PDE4DIP: variants seen among roughly 807,000 people sequenced by gnomAD.
The protein encoded by PDE4DIP is phosphodiesterase 4D interacting protein.
A neutral mutation model predicts 221.4 loss-of-function variants in PDE4DIP; 59 were observed. That is an observed-to-expected ratio of 0.27 (90% CI 0.22 to 0.33). The LOEUF (loss-of-function observed/expected upper bound fraction) is 0.33, where lower values mean the gene tolerates loss of function less well. PDE4DIP is among the 10% of genes least tolerant of loss of function. The pLI is 1.00. For synonymous variants in PDE4DIP, 404 were observed against 815.9 expected (o/e 0.50, Z 8.60); for missense variants, 1,036 against 2,154.2 (o/e 0.48, Z 10.28).
At chr1:148,889,233 C>T (rs1207104229), upstream of PDE4DIP, among the ~76,000 whole-genome samples, 1 of 151,388 alleles carries the variant, frequency 6.6e-6, no homozygotes, top group African/African-American at 2.4e-5. Flanking sequence ...GGCCACACTC[C>T]TTTTGGTCTT....
At chr1:148,938,888 G>T (rs12402380) in intron 5 of PDE4DIP, among the ~76,000 whole-genome samples, 2 of 145,468 alleles carry the variant, frequency 1.4e-5, no homozygotes, top group Non-Finnish European at 3.0e-5. Context: ...TCAGCCTCCC[G>T]AGTAGCTGGG....
rs587693249 is a variant in PDE4DIP, at chr1:149,030,852, G to T, written c.6999+574G>T. The T allele has an allele frequency of 2.8e-5, 26 of 925,456 alleles. No individual in the cohort carries two copies. The East Asian group carries it at 2.4e-3, about 86-fold the overall frequency. 57.3% of individuals were successfully genotyped at this position (925,456 alleles called of 1,614,324 possible). On this transcript the variant is annotated intron_variant, in intron 43 of 43. Transcript: ENST00000369354. ...ACAACTGAACCTTCAGGGAAAAAATGTTATATATGTACCAGACATTATCTA... is the reference window on the plus strand; with the variant it reads ...ACAACTGAACCTTCAGGGAAAAAATTTTATATATGTACCAGACATTATCTA...
At chr1:148,982,053 G>A (rs587684124) in intron 21 of PDE4DIP, 1 of 153,528 alleles carries the variant, frequency 6.5e-6, no homozygotes, top group Non-Finnish European at 1.5e-5. Flanking sequence ...ACAGAGGCAA[G>A]AACTATGAAA....
chr1:148,923,558 C>G (rs1401048887), intron 1 of PDE4DIP, among the ~76,000 whole-genome samples: 1 of 143,852 alleles, frequency 7.0e-6, no homozygotes, highest in African/African-American at 2.8e-5. Flanking sequence ...ACTGCAAGCT[C>G]CGCCTCCCGG....
chr1:148,987,424 G>A (rs2062104401), intron 21 of PDE4DIP, among the ~76,000 whole-genome samples: 1 of 152,148 alleles, frequency 6.6e-6, no homozygotes, highest in Non-Finnish European at 1.5e-5. Context: ...ATTAAAGTCA[G>A]CAATAGTTGG....
At chr1:148,959,416 AG>A (rs1268194281) in intron 5 of PDE4DIP, among the ~76,000 whole-genome samples, 4 of 152,040 alleles carry the variant, frequency 2.6e-5, no homozygotes, top group African/African-American at 9.7e-5. Flanking sequence ...GCTGGCAGGA[AG>A]GGATTTAAGG....
intron 21 of PDE4DIP, among the ~76,000 whole-genome samples, chr1:148,989,684 T>C (rs764604069): frequency 9.9e-5 from 15 of 152,176 alleles, no homozygotes; most frequent in Admixed American, 2.6e-4. Flanking sequence ...TCTAGCCCCA[T>C]GTTCAAAAGA....
chr1:148,815,286 C>T (rs1318206244), intron 1 of PDE4DIP, among the ~76,000 whole-genome samples: 1 of 140,134 alleles, frequency 7.1e-6, no homozygotes, highest in Non-Finnish European at 1.6e-5. Flanking sequence ...CACAGTGGCT[C>T]ACGCCTGTAA....
At chr1:148,985,076 T>C (rs2061686672) in intron 21 of PDE4DIP, 1 of 152,156 alleles carries the variant, frequency 6.6e-6, no homozygotes, top group Non-Finnish European at 1.5e-5. Flanking sequence ...TTTTACCTTG[T>C]AGAAATTGTA....
chr1:149,000,164 A>G (rs1433674275), intron 23 of PDE4DIP, among the ~76,000 whole-genome samples: 64 of 152,170 alleles, frequency 4.2e-4, no homozygotes, highest in Non-Finnish European at 8.2e-4. Flanking sequence ...TGAGAAATTC[A>G]ATCTAGGTGC....
At chr1:149,016,572 G>C in intron 33 of PDE4DIP, 22 bp downstream of exon 36, 1 of 597,202 alleles carries the variant, frequency 1.7e-6, no homozygotes, top group South Asian at 2.0e-5. Context: ...AGCAGAGATG[G>C]CAGCCTTTGA....
chr1:148,975,199 T>G (rs1427523598), intron 17 of PDE4DIP, among the ~76,000 whole-genome samples: 1 of 147,790 alleles, frequency 6.8e-6, no homozygotes, highest in African/African-American at 2.5e-5. Context: ...TAATAATAAT[T>G]GTAAAGCACT....
chr1:148,998,060 A>G, intron 22 of PDE4DIP, 83 bp from the exon 26 acceptor site: 2 of 813,090 alleles, frequency 2.5e-6, no homozygotes, highest in Non-Finnish European at 4.0e-6. Flanking sequence ...TTTTGTTCTC[A>G]TTTAAAACTG....
rs587690588 is a variant in PDE4DIP, at chr1:148,955,284, G to T, written c.637-5370G>T. On this transcript the variant is annotated intron_variant, in intron 5 of 43. Transcript: ENST00000369354. ...TTAAACATGGTGTTTTCATATTAGG[G>T]TCTAAAATTAGTTGGGCCAGGATGG... is the stretch of plus-strand genomic sequence containing the variant. Among the ~76,000 whole-genome samples the T allele has an allele frequency of 2.0e-5, 3 of 152,274 alleles. No homozygotes were observed. In the South Asian group the frequency reaches 6.2e-4, roughly 32 times the overall value.
At chr1:149,032,712 C>T (rs1462971029) in exon 44 of PDE4DIP, 1 of 222,014 alleles carries the variant, frequency 4.5e-6, no homozygotes, top group Non-Finnish European at 8.9e-6. Flanking sequence ...CCTATCTTAT[C>T]TCGGGGAAAT....
intron 5 of PDE4DIP, among the ~76,000 whole-genome samples, chr1:148,944,887 A>G: frequency 6.6e-6 from 1 of 151,734 alleles, no homozygotes; most frequent in Non-Finnish European, 1.5e-5. Flanking sequence ...AAACAAAACA[A>G]AACAAAGATA....
chr1:148,822,866 T>A (rs1159430907), intron 1 of PDE4DIP, among the ~76,000 whole-genome samples: 1 of 60,836 alleles, frequency 1.6e-5, no homozygotes, highest in Non-Finnish European at 3.6e-5. Flanking sequence ...AATAATATTA[T>A]TTAATTTTCA....
intron 4 of PDE4DIP, among the ~76,000 whole-genome samples, chr1:148,937,388 G>C (rs1489823999): frequency 6.6e-6 from 1 of 152,106 alleles, no homozygotes; most frequent in Admixed American, 6.5e-5. Flanking sequence ...AGAGTGCATT[G>C]AGTACACAAA....
chr1:148,929,946 A>G (rs1268470310), intron 2 of PDE4DIP: 1 of 152,236 alleles, frequency 6.6e-6, no homozygotes, highest in Non-Finnish European at 1.5e-5. Context: ...AGTTAGCTCT[A>G]TATTATTGTC....
Sources: allele counts gnomAD v4.1 joint callset (sites outside exome capture counted in the v4.1 genomes callset), GRCh38; gene constraint gnomAD v4.1.1; transcripts MANE v1.5; gene names NCBI Gene and HGNC (gene_info 2026-07-23, HGNC 2026-07-21).